ADAMTSL1: variants seen among roughly 807,000 people sequenced by gnomAD.
ADAMTSL1 encodes ADAMTS-like protein 1.
A neutral mutation model predicts 201.8 loss-of-function variants in ADAMTSL1; 126 were observed. The ratio of observed to expected loss-of-function variants is 0.62; its 90% CI spans 0.54 to 0.72. The LOEUF (loss-of-function observed/expected upper bound fraction) is 0.72, where lower values mean the gene tolerates loss of function less well. Among genes scored for constraint, ADAMTSL1 ranks in the 30% least tolerant of loss-of-function variants. ADAMTSL1 has a pLI of 0.00. For missense variants in ADAMTSL1, 2,679 were observed against 2,277.8 expected, an observed-to-expected ratio of 1.18 and a Z score of -3.59; for synonymous variants, 1,121 against 903.4, an observed-to-expected ratio of 1.24 and a Z score of -4.32.
At chr9:17,938,031 T>C (rs556099945) in intron 1 of ADAMTSL1, among the ~76,000 whole-genome samples, 1 of 152,278 alleles carries the variant, frequency 6.6e-6, no homozygotes, top group East Asian at 1.9e-4. Flanking sequence ...GATGGATTTT[T>C]TTCCCCCTTG....
intron 1 of ADAMTSL1, among the ~76,000 whole-genome samples, chr9:17,995,720 T>A (rs1354367585): frequency 1.3e-5 from 2 of 151,982 alleles, no homozygotes; most frequent in Non-Finnish European, 2.9e-5. Context: ...CTTAAATTAA[T>A]AGAGAAGATA....
At chr9:18,135,708 C>G (rs1331098) in intron 1 of ADAMTSL1, among the ~76,000 whole-genome samples, 112,347 of 152,096 alleles carry the variant, frequency 0.74, 41,721 homozygotes, top group Admixed American at 0.8. Flanking sequence ...ACATGTATAT[C>G]TATCATATGT....
chr9:18,653,039 G>C (rs764685896), intron 7 of ADAMTSL1, among the ~76,000 whole-genome samples: 2 of 152,238 alleles, frequency 1.3e-5, no homozygotes, highest in African/African-American at 4.8e-5. Flanking sequence ...TTTAGAGGTA[G>C]TGACTCTGCC....
At position 18,888,051 on chromosome 9, in the gene ADAMTSL1, A is replaced by C; in HGVS notation, c.4462+8A>C. ...CATCTTTAGTGATCCAAGGTAAGAA[A>C]CCCTGCAGACTTTGCATACTGGACT... On this transcript the variant is annotated splice_region_variant and intron_variant, in intron 24 of 28. Transcript: ENST00000380548. The C allele has an allele frequency of 9.9e-6, 16 of 1,608,998 alleles. No homozygotes were observed. Among genetic ancestry groups the C allele is most frequent in the Non-Finnish European group, 1.3e-5 (15 of 1,176,824 alleles).
chr9:18,547,633 T>TAAAAAAAAA (rs56789652), intron 3 of ADAMTSL1, among the ~76,000 whole-genome samples: 1 of 86,260 alleles, frequency 1.2e-5, no homozygotes, highest in Non-Finnish European at 2.1e-5. Flanking sequence ...TATATATATA[T>TAAAAAAAAA]AAAAAAAAAA....
chr9:18,583,594 G>A (rs12340667), intron 4 of ADAMTSL1, among the ~76,000 whole-genome samples: 6,845 of 152,196 alleles, frequency 0.045, 508 homozygotes, highest in African/African-American at 0.15. Context: ...TCCTCCAGAC[G>A]CAGAATGGTA....
intron 3 of ADAMTSL1, among the ~76,000 whole-genome samples, chr9:18,567,228 G>C (rs1158571682): frequency 6.6e-6 from 1 of 152,156 alleles, no homozygotes; most frequent in Non-Finnish European, 1.5e-5. Flanking sequence ...ACTTTGGGAG[G>C]CTGAGGCAGG....
intron 1 of ADAMTSL1, among the ~76,000 whole-genome samples, chr9:17,951,162 C>A (rs932381501): frequency 6.6e-6 from 1 of 152,104 alleles, no homozygotes; most frequent in African/African-American, 2.4e-5. Context: ...CAAGGGAGTC[C>A]TTAGGGATTA....
chr9:18,852,203 C>G (rs1826540308), intron 23 of ADAMTSL1, among the ~76,000 whole-genome samples: 1 of 152,226 alleles, frequency 6.6e-6, no homozygotes, highest in African/African-American at 2.4e-5. Context: ...GGCTCTGCCA[C>G]TTGCTAATAA....
At chr9:18,780,255 T>G (rs1821313864) in intron 19 of ADAMTSL1, among the ~76,000 whole-genome samples, 1 of 152,184 alleles carries the variant, frequency 6.6e-6, no homozygotes, top group Non-Finnish European at 1.5e-5. Flanking sequence ...CTTAGTCTCT[T>G]CATTTCATAA....
upstream of ADAMTSL1, chr9:18,473,970 TTC>T (rs1248219986): frequency 4.5e-6 from 2 of 441,686 alleles, no homozygotes; most frequent in Non-Finnish European, 8.0e-6. Context: ...CCGTTACACT[TTC>T]TCTGTCCTCC....
chr9:18,870,048 T>C (rs1432962126), intron 23 of ADAMTSL1, among the ~76,000 whole-genome samples: 1 of 152,184 alleles, frequency 6.6e-6, no homozygotes, highest in Non-Finnish European at 1.5e-5. Context: ...AAATTTTTCA[T>C]TTCATTTTTC....
chr9:18,635,852 A>G (rs1407972814), intron 5 of ADAMTSL1, 91 bp from the exon 6 acceptor site: 4 of 1,027,992 alleles, frequency 3.9e-6, no homozygotes, highest in Non-Finnish European at 5.8e-6. Flanking sequence ...GTAGTTTTTA[A>G]GGTATGGAAG....
chr9:18,892,593 C>T lies in ADAMTSL1; in HGVS notation c.4848C>T (p.Gly1616=), dbSNP rs765929147. 4 of 1,557,916 alleles carry T rather than the reference C, an allele frequency of 2.6e-6. No homozygotes were observed. Among genetic ancestry groups the T allele is most frequent in the Non-Finnish European group, 1.7e-6 (2 of 1,150,652 alleles). Residue 1616 remains glycine, a synonymous_variant, in exon 26 of 29, where the codon GGC becomes GGT. Coordinates refer to ENST00000380548, the MANE Select transcript of ADAMTSL1 (RefSeq NM_001040272.6). ...TGGAGTGGGCCTTCTCCAGCTGGGG[C>T]CAGGTGAGGAGCCAGAGAGGTTGTT... ...LCVEWAFSSW[G]QCNGPCIGPH...
chr9:18,288,532 CAT>C (rs1245199229), intron 2 of ADAMTSL1, among the ~76,000 whole-genome samples: 1 of 152,070 alleles, frequency 6.6e-6, no homozygotes, highest in Non-Finnish European at 1.5e-5. Context: ...CTGCTTTAGA[CAT>C]ATGATTTGAG....
intron 4 of ADAMTSL1, among the ~76,000 whole-genome samples, chr9:18,586,724 C>T (rs2132447509): frequency 6.6e-6 from 1 of 152,234 alleles, no homozygotes; most frequent in South Asian, 2.1e-4. Context: ...ACCAAAACAG[C>T]ATGGTACTGG....
chr9:18,619,438 G>A (rs1207240670), intron 4 of ADAMTSL1, among the ~76,000 whole-genome samples: 2 of 152,104 alleles, frequency 1.3e-5, no homozygotes, highest in Non-Finnish European at 2.9e-5. Context: ...GTGTCAGGGA[G>A]ATGTTAGTCT....
intron 21 of ADAMTSL1, among the ~76,000 whole-genome samples, chr9:18,819,776 T>C (rs1824094211): frequency 6.6e-6 from 1 of 152,238 alleles, no homozygotes; most frequent in African/African-American, 2.4e-5. Flanking sequence ...TTTGTATATT[T>C]GTCCTTATTC....
intron 7 of ADAMTSL1, among the ~76,000 whole-genome samples, chr9:18,643,804 A>G (rs546436204): frequency 1.5e-4 from 23 of 152,114 alleles, no homozygotes; most frequent in Non-Finnish European, 2.8e-4. Context: ...TTTTGAAATC[A>G]GGTCGTATGA....
Sources: allele counts gnomAD v4.1 joint callset (sites outside exome capture counted in the v4.1 genomes callset), GRCh38; gene constraint gnomAD v4.1.1; transcripts MANE v1.5; gene names NCBI Gene and HGNC (gene_info 2026-07-23, HGNC 2026-07-21).